PLK3: variants seen among roughly 807,000 people sequenced by gnomAD.
The protein encoded by PLK3 is serine/threonine-protein kinase PLK3.
Under a neutral mutation model 71.6 loss-of-function variants are expected in PLK3, and 41 were observed. The observed-to-expected ratio is 0.57, with a 90% CI of 0.45 to 0.74. PLK3 has a LOEUF of 0.74. PLK3 is among the 30% of genes least tolerant of loss of function. PLK3 has a pLI of 0.00. For missense variants in PLK3, 791 were observed against 875.6 expected (o/e 0.90, Z 1.22); for synonymous variants, 366 against 355.4 (o/e 1.03, Z -0.33).
chr1:44,805,761 C>T lies in PLK3; in HGVS notation c.*83C>T. 1 of 1,447,204 alleles carries T rather than the reference C, an allele frequency of 6.9e-7. No individual in the cohort carries two copies. 89.6% of individuals were successfully genotyped at this position (1,447,204 alleles called of 1,614,324 possible). A position where few individuals can be genotyped will look rare whatever the true frequency, so the allele number is the denominator to read the frequency against. On this transcript the variant is annotated 3_prime_UTR_variant, in exon 15 of 15. Coordinates refer to ENST00000372201, the MANE Select transcript of PLK3 (RefSeq NM_004073.4). ...GGCCTTCCCCCTTCCTTTGGTGCCTCACTGGGGGCTTTGGGCCGAATCCCC... is the reference window on the plus strand; with the variant it reads ...GGCCTTCCCCCTTCCTTTGGTGCCTTACTGGGGGCTTTGGGCCGAATCCCC...
intron 13 of PLK3, 120 bp downstream of exon 13, chr1:44,804,899 A>G (rs947707284): frequency 2.2e-5 from 19 of 875,158 alleles, no homozygotes; most frequent in Non-Finnish European, 7.1e-6. Context: ...AGGTCAGGAG[A>G]TCGAGACCAT....
rs1014113132 is a variant in PLK3, at chr1:44,802,614, C to G, written c.654-146C>G. On this transcript the variant is annotated intron_variant, in intron 5 of 14. Transcript: ENST00000372201. ...GTGGGCGGGGACTCAGCTGCCATCC[C>G]TGGCATCCATTGTCCCAGGACAAGC... 10 of 653,524 alleles carry G rather than the reference C, an allele frequency of 1.5e-5. No homozygotes were observed. In the African/African-American group the frequency reaches 1.6e-4, roughly 11 times the overall value. The allele number at this position is 653,524 out of a possible 1,614,324, so 40.5% of individuals were successfully genotyped here.
In PLK3 at chr1:44,801,897, G is replaced by T. The variant is rs372124188; in HGVS notation, c.618G>T (p.Leu206=). 24 of 1,613,910 alleles carry T rather than the reference G, an allele frequency of 1.5e-5. No individual in the cohort carries two copies. The African/African-American group carries it at 2.8e-4, about 19-fold the overall frequency. The change falls in exon 5 of 15, where the codon CTG becomes CTT. Residue 206 remains leucine (L), a synonymous_variant. Transcript: ENST00000372201. ...AACTGAAGGTGGGGGATTTTGGGCT[G>T]GCAGCCCGGTTGGAGCCTCCGGAGC... ...NMELKVGDFG[L]AARLEPPEQR...
chr1:44,802,971 G>T lies in PLK3; in HGVS notation c.766G>T (p.Gly256Trp). 1.2e-6 allele frequency: 2 copies of T among 1,613,956 alleles called. No homozygotes were observed. Among genetic ancestry groups the T allele is most frequent in the Non-Finnish European group, 1.7e-6 (2 of 1,179,926 alleles). Reference protein sequence around the residue: ...LGCVMYTLLCGSPPFETADLK... With the variant: ...LGCVMYTLLCWSPPFETADLK... ...GCCCTATAGGTACACGCTGCTCTGC[G>T]GGAGCCCTCCCTTTGAGACGGCTGA... The change falls in exon 7 of 15, where the codon GGG (glycine) becomes TGG (tryptophan). Residue 256 changes from glycine to tryptophan, a missense_variant. Transcript: ENST00000372201.
chr1:44,804,454 T>C lies in PLK3; in HGVS notation c.1458T>C (p.Ala486=). 1 of 1,614,218 alleles carries C rather than the reference T, an allele frequency of 6.2e-7. No individual in the cohort carries two copies. Residue 486 remains alanine (A), a synonymous_variant, in exon 12 of 15, where the codon GCT becomes GCC. Transcript: ENST00000372201. ...FGYQLSSRRV[A]VLFNDGTHMA... ...ATCAACTGTCCAGCCGCCGTGTGGC[T>C]GTGCTCTTCAACGATGGCACACATA...
chr1:44,803,183 T>C lies in PLK3; in HGVS notation c.948+30T>C, dbSNP rs771600115. 8 of 1,613,188 alleles carry C rather than the reference T, an allele frequency of 5.0e-6. No individual in the cohort carries two copies. In the South Asian group the frequency reaches 7.7e-5, roughly 15 times the overall value. ...GTGGCTCCCCAGACCTCTAAGTCCA[T>C]CTGTGTATTCCCAGGGATTGAAAGG... On this transcript the variant is annotated intron_variant, in intron 7 of 14. Transcript: ENST00000372201. The surrounding 1 kb of genome is among the most constrained non-coding windows in gnomAD (Gnocchi z 4.3).
rs760407300 is a variant in PLK3 at position 44,805,634 on chromosome 1, C to A, written c.1897C>A (p.Leu633Ile). The change falls in exon 15 of 15, where the codon CTC (leucine) becomes ATC (isoleucine). Residue 633 changes from leucine (L) to isoleucine (I), a missense_variant. Transcript: ENST00000372201. ...CTGCTCTCCAGACCTGCGGCAGCGA[C>A]TCCGCTATGCTCTGCGCCTGCTCCG... ...LGCSPDLRQRLRYALRLLRDR... is the reference protein window; with the variant it reads ...LGCSPDLRQRIRYALRLLRDR... 1 of 1,613,972 alleles carries A rather than the reference C, an allele frequency of 6.2e-7. No homozygotes were observed. The highest frequency in any genetic ancestry group is 8.5e-7 in the Non-Finnish European group (1 of 1,180,004).
chr1:44,801,124 AC>A lies in PLK3; in HGVS notation c.408del (p.Tyr136Ter), dbSNP rs1337696550. The A allele has an allele frequency of 6.2e-7, 1 of 1,612,660 alleles. No individual in the cohort carries two copies. Among genetic ancestry groups the A allele is most frequent in the African/African-American group, 1.3e-5 (1 of 74,704 alleles). ...CACTTTGAGGACGCTGACAACATCTACATTTTCTTGGAGCTCTGCAGCCGAA... is the reference window on the plus strand; with the variant it reads ...CACTTTGAGGACGCTGACAACATCTAATTTTCTTGGAGCTCTGCAGCCGAA... Reference protein sequence around the residue: ...SHHFEDADNIYIFLELCSRKS... With the variant: ...SHHFEDADNIXIFLELCSRKS... On this transcript the variant is annotated frameshift_variant, in exon 3 of 15. Transcript: ENST00000372201. LOFTEE classifies it high-confidence loss of function.
chr1:44,804,070 G>A (rs536063016), intron 10 of PLK3, 46 bp downstream of exon 10: 23 of 1,546,078 alleles, frequency 1.5e-5, no homozygotes, highest in South Asian at 1.0e-4. Flanking sequence ...TGCTGGAGCT[G>A]AGATCAGGGG....
intron 3 of PLK3, 63 bp from the exon 4 acceptor site, chr1:44,801,559 G>T (rs1573610860): frequency 1.3e-6 from 2 of 1,533,434 alleles, no homozygotes; most frequent in East Asian, 4.5e-5. Flanking sequence ...TCCTCAGGGA[G>T]CACAGATGGA....
chr1:44,802,989 A>T lies in PLK3; in HGVS notation c.784A>T (p.Thr262Ser). The T allele has an allele frequency of 1.9e-6, 3 of 1,613,672 alleles. No homozygotes were observed. The highest frequency in any genetic ancestry group is 2.5e-6 in the Non-Finnish European group (3 of 1,179,864). ...GCTCTGCGGGAGCCCTCCCTTTGAG[A>T]CGGCTGACCTGAAGGAGACGTACCG... ...TLLCGSPPFE[T>S]ADLKETYRCI... Residue 262 changes from threonine to serine, a missense_variant, in exon 7 of 15, where the codon ACG becomes TCG. Physicochemically the swap from Thr to Ser is moderately conservative, Grantham distance 58. Coordinates refer to ENST00000372201, the MANE Select transcript of PLK3 (RefSeq NM_004073.4).
In PLK3 at chr1:44,801,839, A is replaced by G; in HGVS notation, c.566-6A>G. On this transcript the variant is annotated splice_polypyrimidine_tract_variant and splice_region_variant and intron_variant, in intron 4 of 14. Coordinates refer to ENST00000372201, the MANE Select transcript of PLK3 (RefSeq NM_004073.4). ...GAATCTGACACACCTCTCTTGCCCC[A>G]TCTAGGAAATTTTTTCATCACTGAG... The G allele has an allele frequency of 6.2e-7, 1 of 1,613,140 alleles. No homozygotes were observed. Among genetic ancestry groups the G allele is most frequent in the Non-Finnish European group, 8.5e-7 (1 of 1,179,454 alleles).
chr1:44,804,220 G>T lies in PLK3; in HGVS notation c.1316G>T (p.Arg439Ile), dbSNP rs1281901230. Residue 439 changes from arginine to isoleucine, a missense_variant, in exon 11 of 15, where the codon AGA becomes ATA. Physicochemically the swap from Arg to Ile is moderately conservative, Grantham distance 97. Transcript: ENST00000372201. ...GTGGAGTCAGCCCTTTGTGCTCTGA[G>T]AAATTGTATAGCCTTCATGCCCCCA... is the stretch of plus-strand genomic sequence containing the variant. ...TVVESALCAL[R>I]NCIAFMPPAE... 2 of 1,614,074 alleles carry T rather than the reference G, an allele frequency of 1.2e-6. No homozygotes were observed. Among genetic ancestry groups the T allele is most frequent in the Non-Finnish European group, 8.5e-7 (1 of 1,179,930 alleles).
In PLK3 at chr1:44,800,723, G is replaced by A; in HGVS notation, c.210+50G>A. 1 of 1,534,936 alleles carries A rather than the reference G, an allele frequency of 6.5e-7. No individual in the cohort carries two copies. The highest frequency in any genetic ancestry group is 8.8e-7 in the Non-Finnish European group (1 of 1,142,722). ...TGGTGATGGTGGAGGTGGGGGTCCC[G>A]GCCGGCCTCTTTTCTGGCGCCGAGC... On this transcript the variant is annotated intron_variant, in intron 1 of 14. Coordinates refer to ENST00000372201, the MANE Select transcript of PLK3 (RefSeq NM_004073.4). This position sits in a 1 kb window ranked among gnomAD's most constrained non-coding sequence, Gnocchi z 6.5.
Position 44,803,807 on chromosome 1 carries a change from G to A in PLK3, c.1164+116G>A, listed in dbSNP as rs963446870. 3.3e-5 allele frequency: 37 copies of A among 1,123,622 alleles called. No homozygotes were observed. Among genetic ancestry groups the A allele is most frequent in the Non-Finnish European group, 4.5e-5 (34 of 759,174 alleles). The allele number at this position is 1,123,622 out of a possible 1,614,324, so 69.6% of individuals were successfully genotyped here. ...CAGCCTCGTGGTGGCCTAATTGGCT[G>A]TGTGTCACCAGCCTGGCGGGGCTGA... On this transcript the variant is annotated intron_variant, in intron 9 of 14. Transcript: ENST00000372201. The surrounding 1 kb of genome is among the most constrained non-coding windows in gnomAD (Gnocchi z 4.3).
chr1:44,800,769 C>T lies in PLK3; in HGVS notation c.211-71C>T. Reference sequence around the variant, plus strand: ...CGAGCAGGGCGTGGGCACTTGACCCCCAACGCGGGGACGCCCGCGGGCCAG... The same window carrying T: ...CGAGCAGGGCGTGGGCACTTGACCCTCAACGCGGGGACGCCCGCGGGCCAG... On this transcript the variant is annotated intron_variant, in intron 1 of 14. Coordinates refer to ENST00000372201, the MANE Select transcript of PLK3 (RefSeq NM_004073.4). The surrounding 1 kb of genome is among the most constrained non-coding windows in gnomAD (Gnocchi z 6.5). The T allele has an allele frequency of 6.5e-7, 1 of 1,546,722 alleles. No individual in the cohort carries two copies. The highest frequency in any genetic ancestry group is 8.7e-7 in the Non-Finnish European group (1 of 1,146,256).
rs774363813 is a variant in PLK3 at position 44,802,833 on chromosome 1, G to C, written c.727G>C (p.Val243Leu). 1.9e-6 allele frequency: 3 copies of C among 1,613,832 alleles called. No homozygotes were observed. The highest frequency in any genetic ancestry group is 2.5e-6 in the Non-Finnish European group (3 of 1,179,700). The change falls in exon 6 of 15, where the codon GTA becomes CTA. Residue 243 changes from valine to leucine, a missense_variant. By Grantham distance (32) the Val-to-Leu change is conservative (BLOSUM62 1). Transcript: ENST00000372201. The part of the protein sequence containing the change: ...LRQGHGPEAD[V>L]WSLGCVMYTL... ...ACAGGGCCACGGCCCTGAGGCGGATGTATGGTCACTGGGCTGTGTCATGTG... is the reference window on the plus strand; with the variant it reads ...ACAGGGCCACGGCCCTGAGGCGGATCTATGGTCACTGGGCTGTGTCATGTG...
At position 44,804,844 on chromosome 1, in the gene PLK3, G is replaced by A. The variant is rs754930255; in HGVS notation, c.1635+65G>A. 1.1e-5 allele frequency: 17 copies of A among 1,533,994 alleles called. 1 individual carries two copies. The highest frequency in any genetic ancestry group is 1.4e-5 in the African/African-American group (1 of 73,350). On this transcript the variant is annotated intron_variant, in intron 13 of 14. Transcript: ENST00000372201. ...ATCCTGGCCGGGTGCGGTGGCTCAC[G>A]CCTGTAATCCCAGCACTTTGGGAGG... is the stretch of plus-strand genomic sequence containing the variant.
At chr1:44,804,132 T>C (rs763902881) in intron 10 of PLK3, 31 bp from the exon 11 acceptor site, 2 of 1,582,628 alleles carry the variant, frequency 1.3e-6, no homozygotes, top group South Asian at 1.1e-5. Context: ...GGGGTGCTAA[T>C]TCCTAAATCT....
Sources: gnomAD v4.1 joint callset for allele counts on GRCh38, gnomAD v4.1.1 for gene constraint, Gnocchi (gnomAD v3.1) non-coding constraint, MANE v1.5 for transcripts, NCBI Gene and HGNC (gene_info 2026-07-23, HGNC 2026-07-21) for gene names.